The following SRRM4 variants were observed in gnomAD, a reference collection of about 807,000 sequenced individuals.
The protein encoded by SRRM4 is serine/arginine repetitive matrix 4.
Under a neutral mutation model 68.9 loss-of-function variants are expected in SRRM4, and 33 were observed. That is an observed-to-expected ratio of 0.48 (90% CI 0.36 to 0.64). The LOEUF is 0.64. SRRM4 is among the 30% of genes least tolerant of loss of function. The pLI is 0.00. For missense variants in SRRM4, 817 were observed against 827.1 expected (o/e 0.99, Z 0.15); for synonymous variants, 318 against 318.8 (o/e 1.00, Z 0.03).
intron 1 of SRRM4, among the ~76,000 whole-genome samples, chr12:119,023,404 A>C (rs549739059): frequency 7.9e-5 from 12 of 152,174 alleles, no homozygotes; most frequent in Non-Finnish European, 1.5e-4. Flanking sequence ...AGTTTCCCTT[A>C]GGTGAGGGTG....
At chr12:118,988,570 A>C (rs1953297595) in intron 1 of SRRM4, among the ~76,000 whole-genome samples, 1 of 152,224 alleles carries the variant, frequency 6.6e-6, no homozygotes, top group East Asian at 1.9e-4. Context: ...GCGAGCCTGC[A>C]AATGTGGAAG....
intron 1 of SRRM4, among the ~76,000 whole-genome samples, chr12:118,985,360 A>G (rs538947307): frequency 1.6e-4 from 24 of 152,222 alleles, no homozygotes; most frequent in Non-Finnish European, 2.2e-4. Flanking sequence ...GTTGGTTTGT[A>G]TAGAGAAGAC....
intron 2 of SRRM4, among the ~76,000 whole-genome samples, chr12:119,110,472 A>G (rs34915081): frequency 0.077 from 11,736 of 152,180 alleles, 505 homozygotes; most frequent in Admixed American, 0.1. Flanking sequence ...AGTAGGCTCC[A>G]CCTAGTTTGA....
intron 1 of SRRM4, among the ~76,000 whole-genome samples, chr12:119,039,694 A>C (rs1284501145): frequency 1.3e-5 from 2 of 152,202 alleles, no homozygotes; most frequent in East Asian, 3.8e-4. Flanking sequence ...ATAACCAAAC[A>C]AAAAACACAA....
intron 1 of SRRM4, among the ~76,000 whole-genome samples, chr12:119,028,497 T>A (rs559815102): frequency 6.6e-6 from 1 of 152,326 alleles, no homozygotes; most frequent in South Asian, 2.1e-4. Flanking sequence ...ATGTGAGACA[T>A]GCCTTTCACC....
chr12:119,147,401 AT>A (rs1455771297), intron 9 of SRRM4, among the ~76,000 whole-genome samples: 2 of 152,206 alleles, frequency 1.3e-5, no homozygotes, highest in African/African-American at 4.8e-5. Context: ...GTCATTATAC[AT>A]TTGTCCAAAT....
At chr12:119,124,831 A>T (rs926104760) in intron 6 of SRRM4, among the ~76,000 whole-genome samples, 1 of 139,678 alleles carries the variant, frequency 7.2e-6, no homozygotes, top group African/African-American at 3.3e-5. Flanking sequence ...AGGTGCCTTT[A>T]AAAAAAAATA....
At chr12:119,030,183 G>T (rs1399820298) in intron 1 of SRRM4, among the ~76,000 whole-genome samples, 1 of 152,178 alleles carries the variant, frequency 6.6e-6, no homozygotes. Flanking sequence ...CCCCTCTACT[G>T]CCCAGCATTA....
intron 2 of SRRM4, among the ~76,000 whole-genome samples, chr12:119,105,061 C>T (rs1565909050): frequency 1.4e-5 from 2 of 146,784 alleles, no homozygotes; most frequent in Non-Finnish European, 3.0e-5. Flanking sequence ...TGAGTGAGAA[C>T]ATGCGGTGTT....
At chr12:119,024,911 C>T (rs996348650) in intron 1 of SRRM4, among the ~76,000 whole-genome samples, 1 of 152,140 alleles carries the variant, frequency 6.6e-6, no homozygotes, top group African/African-American at 2.4e-5. Flanking sequence ...GGGCCATAAG[C>T]GCTCACTGTG....
intron 1 of SRRM4, among the ~76,000 whole-genome samples, chr12:119,092,070 C>G (rs1012101940): frequency 2.6e-5 from 4 of 152,178 alleles, no homozygotes; most frequent in Non-Finnish European, 4.4e-5. Context: ...AAATGAATAA[C>G]TTGGAGCTGT....
chr12:119,132,463 C>G (rs542051147), intron 8 of SRRM4: 1 of 152,320 alleles, frequency 6.6e-6, no homozygotes, highest in East Asian at 1.9e-4. Flanking sequence ...GGTGGTCCAT[C>G]TGGAGGTCCC....
rs1954516445 is a variant in SRRM4, at chr12:119,161,912, ACT to A, written c.*5117_*5118del. On this transcript the variant is annotated 3_prime_UTR_variant, in exon 13 of 13. Coordinates refer to ENST00000267260, the MANE Select transcript of SRRM4 (RefSeq NM_194286.4). The stretch of plus-strand genomic sequence containing the variant: ...AAAAAAAAATAAAGAAAAATTGTAA[ACT>A]CTTTTTTTTTTCTGGCCAAGGAAAG... 1 of 151,476 alleles carries A rather than the reference ACT, an allele frequency of 6.6e-6. No homozygotes were observed. Among genetic ancestry groups the A allele is most frequent in the Admixed American group, 6.6e-5 (1 of 15,194 alleles). The allele number at this position is 151,476 out of a possible 1,614,324, so 9.4% of individuals were successfully genotyped here.
At chr12:119,023,305 G>C (rs1034020347) in intron 1 of SRRM4, among the ~76,000 whole-genome samples, 1 of 152,272 alleles carries the variant, frequency 6.6e-6, no homozygotes, top group East Asian at 1.9e-4. Flanking sequence ...GATGAAACTG[G>C]GTGATTTTGC....
chr12:119,092,787 T>C (rs1954021738), intron 1 of SRRM4, among the ~76,000 whole-genome samples: 1 of 152,052 alleles, frequency 6.6e-6, no homozygotes, highest in African/African-American at 2.4e-5. Flanking sequence ...AGAACATATC[T>C]ATCCAATGAA....
chr12:119,107,245 T>C (rs1384175728), intron 2 of SRRM4, among the ~76,000 whole-genome samples: 1 of 152,252 alleles, frequency 6.6e-6, no homozygotes, highest in Non-Finnish European at 1.5e-5. Context: ...GATTTTCGCA[T>C]CAATGTTCAT....
chr12:119,113,829 T>C (rs1046771489), intron 2 of SRRM4, among the ~76,000 whole-genome samples: 3 of 152,152 alleles, frequency 2.0e-5, no homozygotes, highest in Non-Finnish European at 4.4e-5. Context: ...CATTAGACCT[T>C]GGCAAATATA....
chr12:119,096,380 C>A (rs1422936068), intron 1 of SRRM4, among the ~76,000 whole-genome samples: 1 of 152,024 alleles, frequency 6.6e-6, no homozygotes, highest in Non-Finnish European at 1.5e-5. Flanking sequence ...GATGTTCTTG[C>A]CAGTTAATAT....
intron 8 of SRRM4, among the ~76,000 whole-genome samples, chr12:119,135,648 C>T (rs1167473224): frequency 6.6e-6 from 1 of 152,082 alleles, no homozygotes; most frequent in Non-Finnish European, 1.5e-5. Flanking sequence ...GCACCAGGTG[C>T]TAGGCCAATT....
Sources: gnomAD v4.1 joint callset for allele counts (sites outside exome capture counted in the v4.1 genomes callset) on GRCh38, gnomAD v4.1.1 for gene constraint, MANE v1.5 for transcripts, NCBI Gene and HGNC (gene_info 2026-07-23, HGNC 2026-07-21) for gene names.